VPS37C: variants seen among roughly 807,000 people sequenced by gnomAD.
The protein encoded by VPS37C is VPS37C subunit of ESCRT-I.
A neutral mutation model predicts 16.1 loss-of-function variants in VPS37C; 9 were observed. The observed-to-expected ratio is 0.56, with a 90% CI of 0.34 to 0.97. The LOEUF is 0.97. VPS37C is among the 50% of genes least tolerant of loss of function. VPS37C has a pLI of 0.02. For synonymous variants in VPS37C, 207 were observed against 206.4 expected (o/e 1.00, Z -0.02); for missense variants, 479 against 472.7 (o/e 1.01, Z -0.12).
chr11:61,160,616 G>A (rs1185870863), intron 1 of VPS37C, among the ~76,000 whole-genome samples: 1 of 152,122 alleles, frequency 6.6e-6, no homozygotes, highest in African/African-American at 2.4e-5. Context: ...GGTGTAGCTG[G>A]GAAAGCACTG....
intron 1 of VPS37C, among the ~76,000 whole-genome samples, chr11:61,139,792 G>A (rs1178048941): frequency 6.7e-6 from 1 of 148,324 alleles, no homozygotes; most frequent in Non-Finnish European, 1.5e-5. Flanking sequence ...TGCCCAGGCT[G>A]GAAAGCAATG....
intron 1 of VPS37C, among the ~76,000 whole-genome samples, chr11:61,159,122 G>C (rs1853423895): frequency 6.6e-6 from 1 of 152,234 alleles, no homozygotes; most frequent in East Asian, 1.9e-4. Context: ...GTCCAGAAAT[G>C]ATTCATATGG....
At chr11:61,133,010 C>G in intron 4 of VPS37C, 1 of 619,674 alleles carries the variant, frequency 1.6e-6, no homozygotes, top group Non-Finnish European at 2.9e-6. Flanking sequence ...CTGTGCTGCC[C>G]TACCATCCAG....
At chr11:61,158,187 T>C (rs1853408160) in intron 1 of VPS37C, among the ~76,000 whole-genome samples, 1 of 152,230 alleles carries the variant, frequency 6.6e-6, no homozygotes, top group South Asian at 2.1e-4. Context: ...ATAATACTCA[T>C]AAAGGTTTAT....
intron 2 of VPS37C, among the ~76,000 whole-genome samples, chr11:61,138,001 C>A (rs1423738666): frequency 6.6e-6 from 1 of 152,200 alleles, no homozygotes; most frequent in Non-Finnish European, 1.5e-5. Flanking sequence ...CTCATCCGTG[C>A]AAGTAAACAT....
At chr11:61,154,680 A>C (rs1853352602) in intron 1 of VPS37C, among the ~76,000 whole-genome samples, 1 of 152,198 alleles carries the variant, frequency 6.6e-6, no homozygotes, top group Non-Finnish European at 1.5e-5. Context: ...TACTGACTGA[A>C]AAATTTCCAA....
At position 61,134,225 on chromosome 11, in the gene VPS37C, C is replaced by A. The variant is rs772056755; in HGVS notation, c.94-18G>T. The A allele has an allele frequency of 6.2e-7, 1 of 1,600,172 alleles. No homozygotes were observed. The highest frequency in any genetic ancestry group is 8.5e-7 in the Non-Finnish European group (1 of 1,169,764). ...TCCTGGACCTAAAAGGGCAGGACAA[C>A]AGAACCTAAGGAAAACGTCCATCAC... On this transcript the variant is annotated intron_variant, in intron 2 of 4. Transcript: ENST00000301765.
chr11:61,155,389 C>T (rs1013386140), intron 1 of VPS37C, among the ~76,000 whole-genome samples: 2 of 151,064 alleles, frequency 1.3e-5, no homozygotes, highest in Admixed American at 1.3e-4. Context: ...GTCTTAGCTA[C>T]TAGGGACCCT....
At chr11:61,136,058 T>C (rs1165231671) in intron 2 of VPS37C, among the ~76,000 whole-genome samples, 2 of 152,148 alleles carry the variant, frequency 1.3e-5, no homozygotes, top group South Asian at 2.1e-4. Context: ...CAACAATGTA[T>C]TGTATATTTC....
rs563194428 is a variant in VPS37C, at chr11:61,131,155, A to T, written c.*665T>A. The T allele has an allele frequency of 3.2e-4, 65 of 200,678 alleles. 1 individual carries two copies. In the Middle Eastern group the frequency reaches 5.7e-3, roughly 18 times the overall value. 12.4% of individuals were successfully genotyped at this position (200,678 alleles called of 1,614,324 possible). On this transcript the variant is annotated 3_prime_UTR_variant, in exon 5 of 5. Transcript: ENST00000301765. ...ACCACTGCAAGCAAGGTCTGGGGACAACCTTGACAACCCCCAGCCTTCTTG... is the reference window on the plus strand; with the variant it reads ...ACCACTGCAAGCAAGGTCTGGGGACTACCTTGACAACCCCCAGCCTTCTTG...
At chr11:61,148,597 A>C (rs1018286142) in intron 1 of VPS37C, among the ~76,000 whole-genome samples, 2 of 141,492 alleles carry the variant, frequency 1.4e-5, no homozygotes, top group African/African-American at 5.4e-5. Context: ...AAAAAAAAAA[A>C]TCAAATCATC....
At chr11:61,132,937 G>A in intron 4 of VPS37C, 1 of 534,578 alleles carries the variant, frequency 1.9e-6, no homozygotes, top group East Asian at 3.4e-5. Flanking sequence ...GAGGTGGCCG[G>A]AGGGAAGCAG....
chr11:61,136,001 G>A (rs539195947), intron 2 of VPS37C, among the ~76,000 whole-genome samples: 1 of 152,322 alleles, frequency 6.6e-6, no homozygotes, highest in East Asian at 1.9e-4. Flanking sequence ...GTAGATAGAA[G>A]AAGTAAGTTC....
At chr11:61,132,655 C>T (rs1011242043) in intron 4 of VPS37C, 116 bp from the exon 5 acceptor site, 8 of 1,362,222 alleles carry the variant, frequency 5.9e-6, no homozygotes, top group Non-Finnish European at 7.9e-6. Flanking sequence ...CAGGCACCCC[C>T]TCCTCTTCCC....
At chr11:61,158,547 T>G (rs1853414696) in intron 1 of VPS37C, among the ~76,000 whole-genome samples, 1 of 152,236 alleles carries the variant, frequency 6.6e-6, no homozygotes, top group African/African-American at 2.4e-5. Context: ...GTTTACCAGA[T>G]AGGAGAATAA....
intron 1 of VPS37C, among the ~76,000 whole-genome samples, chr11:61,141,556 A>G (rs1861472805): frequency 6.6e-6 from 1 of 152,154 alleles, no homozygotes; most frequent in Non-Finnish European, 1.5e-5. Flanking sequence ...TCAGGGGCAC[A>G]GGCTCCAGCC....
intron 1 of VPS37C, among the ~76,000 whole-genome samples, chr11:61,139,111 G>A (rs766338262): frequency 6.6e-6 from 1 of 152,166 alleles, no homozygotes; most frequent in East Asian, 1.9e-4. Context: ...CACAATCCTC[G>A]GGTGCTAGAT....
intron 1 of VPS37C, among the ~76,000 whole-genome samples, chr11:61,152,284 G>A (rs751064536): frequency 3.9e-5 from 6 of 152,232 alleles, no homozygotes; most frequent in Non-Finnish European, 8.8e-5. Flanking sequence ...GAACTTCCGG[G>A]TCCAGTGGAA....
chr11:61,155,168 T>C (rs1052372632), intron 1 of VPS37C, among the ~76,000 whole-genome samples: 2 of 149,610 alleles, frequency 1.3e-5, no homozygotes, highest in Admixed American at 6.7e-5. Flanking sequence ...AAAAGATACA[T>C]TACAAACAGA....
Sources: gnomAD v4.1 joint callset for allele counts (sites outside exome capture counted in the v4.1 genomes callset) on GRCh38, gnomAD v4.1.1 for gene constraint, MANE v1.5 for transcripts, NCBI Gene and HGNC (gene_info 2026-07-23, HGNC 2026-07-21) for gene names.